Variants in SUSD4 observed in about 807,000 individuals in gnomAD.
The protein encoded by SUSD4 is sushi domain containing 4.
Under a neutral mutation model 50.5 loss-of-function variants are expected in SUSD4, and 41 were observed. The observed-to-expected ratio is 0.81, with a 90% CI of 0.63 to 1.05. The LOEUF (loss-of-function observed/expected upper bound fraction) is 1.05. SUSD4 is among the 50% of genes least tolerant of loss of function. The pLI, the probability that SUSD4 is intolerant of heterozygous loss-of-function variation, is 0.00. For synonymous variants in SUSD4, 257 were observed against 257.3 expected (o/e 1.00, Z 0.01); for missense variants, 580 against 634.7 (o/e 0.91, Z 0.93).
intron 2 of SUSD4, chr1:223,359,032 G>A (rs1335627266): frequency 4.2e-6 from 2 of 471,046 alleles, no homozygotes; most frequent in Non-Finnish European, 8.8e-6. Flanking sequence ...ACCAAATGAG[G>A]GCTCCAGGAG....
At chr1:223,298,223 T>C (rs1664961999) in intron 2 of SUSD4, among the ~76,000 whole-genome samples, 1 of 152,098 alleles carries the variant, frequency 6.6e-6, no homozygotes, top group African/African-American at 2.4e-5. Flanking sequence ...CCAACTACCC[T>C]GTTGGACCCA....
At position 223,221,385 on chromosome 1, in the gene SUSD4, C is replaced by G. The variant is rs1659128769; in HGVS notation, c.*807G>C. ...ACATTACCTTGGTTACTGTCTCCAT[C>G]ATGAGATGTATTTGAACACATTCTG... On this transcript the variant is annotated 3_prime_UTR_variant, in exon 9 of 9. Coordinates refer to ENST00000366878, the MANE Select transcript of SUSD4 (RefSeq NM_017982.4). 3.2e-6 allele frequency: 1 copy of G among 310,390 alleles called. No individual in the cohort carries two copies. The highest frequency in any genetic ancestry group is 5.9e-6 in the Non-Finnish European group (1 of 170,698). 19.2% of individuals were successfully genotyped at this position (310,390 alleles called of 1,614,324 possible).
intron 1 of SUSD4, chr1:223,363,670 C>A: frequency 4.0e-6 from 2 of 503,414 alleles, no homozygotes; most frequent in East Asian, 3.4e-5. Context: ...TGGGATGCTG[C>A]GCGTGCTGGG....
intron 2 of SUSD4, among the ~76,000 whole-genome samples, chr1:223,317,081 T>C (rs1399782655): frequency 6.6e-6 from 1 of 152,172 alleles, no homozygotes; most frequent in Non-Finnish European, 1.5e-5. Context: ...TGGGCTGCAT[T>C]CCCAGATGGT....
chr1:223,246,653 T>C (rs146665526), intron 5 of SUSD4, among the ~76,000 whole-genome samples: 43 of 152,050 alleles, frequency 2.8e-4, no homozygotes, highest in African/African-American at 1.0e-3. Context: ...GAAGCATGAG[T>C]GCTGGACACA....
intron 2 of SUSD4, among the ~76,000 whole-genome samples, chr1:223,313,243 A>T (rs1351635388): frequency 6.6e-6 from 1 of 152,050 alleles, no homozygotes; most frequent in Non-Finnish European, 1.5e-5. Context: ...TGACAAGGAG[A>T]GGGGGCATGC....
intron 2 of SUSD4, among the ~76,000 whole-genome samples, chr1:223,334,860 G>A (rs1198179580): frequency 2.0e-5 from 3 of 151,728 alleles, no homozygotes; most frequent in Admixed American, 6.6e-5. Context: ...CCCTTTCCCC[G>A]AGTCCCCAAA....
chr1:223,231,424 G>A lies in SUSD4; in HGVS notation c.725-2036C>T, dbSNP rs1343678511. On this transcript the variant is annotated intron_variant, in intron 5 of 8. Transcript: ENST00000366878. This position sits in a 1 kb window ranked among gnomAD's most constrained non-coding sequence, Gnocchi z 4.2. ...GTGAGCATCCCACAGGTGGACACTG[G>A]CAGAGACAGGCTTTGAGCTCTGACT... Among the ~76,000 whole-genome samples, 1 of 152,174 alleles carries A rather than the reference G, an allele frequency of 6.6e-6. No individual in the cohort carries two copies. Among genetic ancestry groups the A allele is most frequent in the Non-Finnish European group, 1.5e-5 (1 of 68,040 alleles).
At chr1:223,307,234 A>G (rs966386622) in intron 2 of SUSD4, among the ~76,000 whole-genome samples, 4 of 152,222 alleles carry the variant, frequency 2.6e-5, no homozygotes, top group African/African-American at 9.7e-5. Flanking sequence ...TGCATGGGGC[A>G]ATCTCAACAT....
At chr1:223,283,296 C>T (rs1480599586) in intron 3 of SUSD4, among the ~76,000 whole-genome samples, 2 of 152,108 alleles carry the variant, frequency 1.3e-5, no homozygotes, top group Admixed American at 6.5e-5. Context: ...GAACAGGCAA[C>T]CTACAGAATG....
chr1:223,358,126 C>T (rs1421177521), intron 2 of SUSD4, among the ~76,000 whole-genome samples: 1 of 152,164 alleles, frequency 6.6e-6, no homozygotes, highest in Non-Finnish European at 1.5e-5. Context: ...TAATTTTATG[C>T]ATGCTTTTTG....
intron 5 of SUSD4, among the ~76,000 whole-genome samples, chr1:223,238,461 T>C (rs1426891220): frequency 1.3e-5 from 2 of 152,014 alleles, no homozygotes; most frequent in African/African-American, 2.4e-5. Flanking sequence ...TCTTTCTTCT[T>C]TTCTAACAGA....
At chr1:223,234,224 T>C (rs1489273760) in intron 5 of SUSD4, among the ~76,000 whole-genome samples, 1 of 152,212 alleles carries the variant, frequency 6.6e-6, no homozygotes, top group East Asian at 1.9e-4. Flanking sequence ...GGGGCTGCTA[T>C]AAGACTGCAA....
chr1:223,233,932 G>T (rs1660053852), intron 5 of SUSD4, among the ~76,000 whole-genome samples: 2 of 152,208 alleles, frequency 1.3e-5, no homozygotes. Context: ...TCCAAGAAAG[G>T]CTCTGCTGAC....
chr1:223,338,457 T>C (rs1667575422), intron 2 of SUSD4, among the ~76,000 whole-genome samples: 1 of 152,166 alleles, frequency 6.6e-6, no homozygotes, highest in African/African-American at 2.4e-5. Context: ...GGGCTTTGTG[T>C]GCTATGCTTT....
rs1457908845 is a variant in SUSD4 at position 223,227,065 on chromosome 1, G to T, written c.1061+529C>A. 2.6e-5 allele frequency among the ~76,000 whole-genome samples: 4 copies of T among 152,156 alleles called. No individual in the cohort carries two copies. The highest frequency in any genetic ancestry group is 4.4e-5 in the Non-Finnish European group (3 of 68,026). On this transcript the variant is annotated intron_variant, in intron 7 of 8. Transcript: ENST00000366878. The surrounding 1 kb of genome is among the most constrained non-coding windows in gnomAD (Gnocchi z 4.5). Reference sequence around the variant, plus strand: ...GCCTTCCACATGTCCCACTCCAGGGGTTCAGATAAGACTTCATGGTAGACT... The same window carrying T: ...GCCTTCCACATGTCCCACTCCAGGGTTTCAGATAAGACTTCATGGTAGACT...
chr1:223,327,700 C>A (rs1355451293), intron 2 of SUSD4, among the ~76,000 whole-genome samples: 1 of 152,284 alleles, frequency 6.6e-6, no homozygotes, highest in South Asian at 2.1e-4. Flanking sequence ...AAGGCAGACA[C>A]AATTCCAGGT....
chr1:223,279,915 G>C (rs1050669145), intron 3 of SUSD4, among the ~76,000 whole-genome samples: 1 of 152,212 alleles, frequency 6.6e-6, no homozygotes, highest in Non-Finnish European at 1.5e-5. Context: ...AGCCAGAAGA[G>C]AGTGGGGGCC....
intron 5 of SUSD4, among the ~76,000 whole-genome samples, chr1:223,252,289 C>T (rs1390600813): frequency 3.4e-5 from 5 of 148,046 alleles, no homozygotes; most frequent in East Asian, 2.0e-4. Context: ...AGAGGGAAGA[C>T]GGCCATGTGA....
Sources: allele counts gnomAD v4.1 joint callset (sites outside exome capture counted in the v4.1 genomes callset), GRCh38; gene constraint gnomAD v4.1.1; non-coding constraint Gnocchi (gnomAD v3.1); transcripts MANE v1.5; gene names NCBI Gene and HGNC (gene_info 2026-07-23, HGNC 2026-07-21).